Variants in HGD observed in about 807,000 individuals in gnomAD.
HGD encodes the protein homogentisate 1,2-dioxygenase.
HGD carries 61 observed loss-of-function variants against 60.8 expected under a neutral mutation model. The observed-to-expected ratio is 1.00, with a 90% CI of 0.82 to 1.24. The LOEUF is 1.24. Among genes scored for constraint, HGD ranks in the 50% most tolerant of loss-of-function variants. The pLI, the probability that HGD is intolerant of heterozygous loss-of-function variation, is 0.00. For synonymous variants in HGD, 212 were observed against 187.7 expected (o/e 1.13, Z -1.06); for missense variants, 542 against 547.1 (o/e 0.99, Z 0.09).
chr3:120,652,060 G>C (rs1332606965), intron 5 of HGD, among the ~76,000 whole-genome samples: 1 of 152,118 alleles, frequency 6.6e-6, no homozygotes, highest in Non-Finnish European at 1.5e-5. Flanking sequence ...AGTTGTTATA[G>C]ATACCTCAAA....
At chr3:120,646,243 T>A (rs374009079) in intron 9 of HGD, 24 bp downstream of exon 9, 2 of 1,388,986 alleles carry the variant, frequency 1.4e-6, no homozygotes, top group Middle Eastern at 1.8e-4. Context: ...AAGCGAGGCT[T>A]AGAGGCTTGT....
chr3:120,636,044 G>A (rs992322780), intron 12 of HGD, among the ~76,000 whole-genome samples: 8 of 151,390 alleles, frequency 5.3e-5, no homozygotes, highest in Non-Finnish European at 8.8e-5. Context: ...GTCAAGGCAG[G>A]TGGATTGCTT....
chr3:120,668,338 T>C (rs894511612), intron 4 of HGD, among the ~76,000 whole-genome samples: 1 of 152,140 alleles, frequency 6.6e-6, no homozygotes, highest in Non-Finnish European at 1.5e-5. Context: ...CGCTGAGATT[T>C]CCATAATTAA....
intron 13 of HGD, among the ~76,000 whole-genome samples, chr3:120,631,224 T>A (rs1048377669): frequency 2.6e-5 from 4 of 151,346 alleles, no homozygotes; most frequent in Non-Finnish European, 4.4e-5. Context: ...CCCCTGAACC[T>A]CAAATAAAAG....
At chr3:120,637,600 GTCTCTCTGTCTC>G (rs201781367) in intron 12 of HGD, among the ~76,000 whole-genome samples, 5,537 of 151,960 alleles carry the variant, frequency 0.036, 131 homozygotes, top group Middle Eastern at 0.058. Flanking sequence ...GCACATTTCT[GTCTCTCTGTCTC>G]TCTCTCTGTC....
chr3:120,642,870 C>T (rs1334314730), intron 10 of HGD, among the ~76,000 whole-genome samples: 2 of 152,194 alleles, frequency 1.3e-5, no homozygotes, highest in African/African-American at 4.8e-5. Context: ...CCGGGTGATA[C>T]AGTCAACCTT....
At chr3:120,680,677 C>T (rs1162649379) in intron 1 of HGD, among the ~76,000 whole-genome samples, 1 of 152,214 alleles carries the variant, frequency 6.6e-6, no homozygotes, top group East Asian at 1.9e-4. Flanking sequence ...CCTAGCCCTG[C>T]CCACTCCCCT....
At chr3:120,641,825 T>G in intron 10 of HGD, 132 bp from the exon 11 acceptor site, 1 of 722,606 alleles carries the variant, frequency 1.4e-6, no homozygotes, top group Non-Finnish European at 2.5e-6. Flanking sequence ...TTACCGTCCT[T>G]TGGGAGAAGT....
intron 1 of HGD, among the ~76,000 whole-genome samples, chr3:120,676,200 A>C (rs1358235395): frequency 6.6e-6 from 1 of 152,212 alleles, no homozygotes; most frequent in Admixed American, 6.5e-5. Flanking sequence ...AAAAAGAAAA[A>C]GCATCTATGA....
Position 120,628,461 on chromosome 3 carries a change from C to CGT in HGD, c.1256_1257insAC (p.Asp420ArgfsTer35). 1 of 1,613,990 alleles carries CGT rather than the reference C, an allele frequency of 6.2e-7. No homozygotes were observed. Among genetic ancestry groups the CGT allele is most frequent in the Non-Finnish European group, 8.5e-7 (1 of 1,179,958 alleles). On this transcript the variant is annotated frameshift_variant, in exon 14 of 14. Transcript: ENST00000283871. LOFTEE classifies it high-confidence loss of function. ...CCCAGCACTTGTGGTAGTTCTCATC[C>CGT]AAACACCTGGAGGCCTTGAGTCCCC... is the stretch of plus-strand genomic sequence containing the variant.
intron 4 of HGD, among the ~76,000 whole-genome samples, chr3:120,667,426 T>C (rs917520801): frequency 6.6e-6 from 1 of 151,300 alleles, no homozygotes; most frequent in African/African-American, 2.4e-5. Flanking sequence ...AAATAGTTCC[T>C]ATGAAAGGGT....
intron 4 of HGD, among the ~76,000 whole-genome samples, chr3:120,653,487 T>C (rs886819817): frequency 1.3e-5 from 2 of 152,018 alleles, no homozygotes; most frequent in Admixed American, 6.6e-5. Flanking sequence ...AGGGCCTCCA[T>C]CAGGTCATAG....
chr3:120,633,098 A>C (rs1284470319), intron 13 of HGD, 49 bp downstream of exon 13: 3 of 1,549,328 alleles, frequency 1.9e-6, no homozygotes, highest in Admixed American at 3.4e-5. Flanking sequence ...CCTCTCAGTA[A>C]GGGTGGGGAG....
At chr3:120,630,314 C>A (rs188655607) in intron 13 of HGD, among the ~76,000 whole-genome samples, 1 of 152,046 alleles carries the variant, frequency 6.6e-6, no homozygotes, top group Non-Finnish European at 1.5e-5. Flanking sequence ...CCCAAATACC[C>A]AAGGCTATCC....
intron 1 of HGD, among the ~76,000 whole-genome samples, chr3:120,679,475 C>G (rs1188749144): frequency 6.6e-6 from 1 of 152,120 alleles, no homozygotes; most frequent in African/African-American, 2.4e-5. Context: ...GCTAATGGCT[C>G]ACTCTGAAAG....
Position 120,649,186 on chromosome 3 carries a change from G to A in HGD, c.435-1275C>T, listed in dbSNP as rs142971967. On this transcript the variant is annotated intron_variant, in intron 6 of 13. Transcript: ENST00000283871. ...GAGATGGAGTCTCACACGGTTGTCC[G>A]GGCTGGAGTGCAATGGCATGATCTC... 3.9e-3 allele frequency among the ~76,000 whole-genome samples: 550 copies of A among 140,550 alleles called. 5 individuals are homozygous for A. Among genetic ancestry groups the A allele is most frequent in the African/African-American group, 0.014 (519 of 37,190 alleles). The allele number at this position is 140,550 out of a possible 152,430, so 92.2% of individuals were successfully genotyped here. A position where few individuals can be genotyped will look rare whatever the true frequency, so the allele number is the denominator to read the frequency against.
chr3:120,649,332 A>ATGGGGTTT (rs1487428215), intron 6 of HGD, among the ~76,000 whole-genome samples: 1 of 150,744 alleles, frequency 6.6e-6, no homozygotes, highest in Non-Finnish European at 1.5e-5. Context: ...TTTAGTAGAG[A>ATGGGGTTT]TGGGGTTTCA....
intron 3 of HGD, chr3:120,674,567 G>A (rs1708086416): frequency 4.2e-6 from 1 of 237,420 alleles, no homozygotes; most frequent in Non-Finnish European, 8.4e-6. Context: ...AAACAAAACA[G>A]GTAAACCCCA....
chr3:120,631,298 A>C (rs1006926924), intron 13 of HGD, among the ~76,000 whole-genome samples: 3 of 152,206 alleles, frequency 2.0e-5, no homozygotes, highest in African/African-American at 7.2e-5. Flanking sequence ...ATAGCATAAC[A>C]GGGTGACCAT....
Sources: gnomAD v4.1 joint callset for allele counts (sites outside exome capture counted in the v4.1 genomes callset) on GRCh38, gnomAD v4.1.1 for gene constraint, MANE v1.5 for transcripts, NCBI Gene and HGNC (gene_info 2026-07-23, HGNC 2026-07-21) for gene names.